FN1: variants seen among roughly 807,000 people sequenced by gnomAD.
FN1 encodes the protein fibronectin.
In FN1, 106 loss-of-function variants were observed where a neutral mutation model predicts 297.3. That is an observed-to-expected ratio of 0.36 (90% CI 0.30 to 0.42). The LOEUF is 0.42. Ranked by LOEUF, FN1 falls within the 10% of genes least tolerant of loss-of-function variation. The pLI is 1.00. For missense variants in FN1, 2,690 were observed against 3,124.9 expected (o/e 0.86, Z 3.32); for synonymous variants, 1,149 against 1,152.6 (o/e 1.00, Z 0.06).
At chr2:215,365,772 T>TATA in intron 42 of FN1, 142 bp from the exon 43 acceptor site, 1 of 504,238 alleles carries the variant, frequency 2.0e-6, no homozygotes, top group East Asian at 3.5e-5. Context: ...ACCCCTATAA[T>TATA]GGGCCATTTA....
intron 44 of FN1, chr2:215,362,501 G>A (rs1457394459): frequency 8.4e-6 from 2 of 237,890 alleles, no homozygotes; most frequent in South Asian, 5.2e-5. Flanking sequence ...GAGACCCAGA[G>A]GAGAGGAGTG....
At chr2:215,373,207 A>T (rs539780599) in intron 39 of FN1, 115 bp downstream of exon 39, 12 of 822,156 alleles carry the variant, frequency 1.5e-5, no homozygotes, top group African/African-American at 5.0e-5. Flanking sequence ...CTGTTAGATA[A>T]AAAAAATCAC....
chr2:215,423,299 T>C (rs374925261), intron 9 of FN1, 51 bp downstream of exon 9: 42 of 1,590,376 alleles, frequency 2.6e-5, no homozygotes, highest in Non-Finnish European at 3.5e-5. Flanking sequence ...CTTTAGTCTC[T>C]ACTCCCTAAA....
intron 12 of FN1, among the ~76,000 whole-genome samples, 197 bp downstream of exon 12, chr2:215,419,045 T>C (rs906908273): frequency 1.3e-5 from 2 of 152,244 alleles, no homozygotes; most frequent in Non-Finnish European, 2.9e-5. Flanking sequence ...TTTCATAGCC[T>C]TCTCTACCTT....
chr2:215,430,734 G>C lies in FN1; in HGVS notation c.666C>G (p.Arg222=). ...ACATACTTCTAGAAGTGCAAGTGAT[G>C]CGTCCGCTGCCTTCTCCCAGGCAAG... ...DCTCLGEGSG[R]ITCTSRNRCN... Residue 222 remains arginine (R), a synonymous_variant, in exon 5 of 46, where the codon CGC becomes CGG. Transcript: ENST00000354785. 6.2e-7 allele frequency: 1 copy of C among 1,614,054 alleles called. No homozygotes were observed. The highest frequency in any genetic ancestry group is 1.1e-5 in the South Asian group (1 of 91,078).
intron 25 of FN1, 111 bp downstream of exon 25, chr2:215,392,820 T>A (rs1186078848): frequency 3.2e-6 from 4 of 1,233,338 alleles, no homozygotes; most frequent in African/African-American, 1.5e-5. Context: ...CCTATCTGAA[T>A]CTTTGGCCAA....
At chr2:215,421,898 C>T (rs562937418) in intron 10 of FN1, among the ~76,000 whole-genome samples, 193 bp downstream of exon 10, 13 of 152,268 alleles carry the variant, frequency 8.5e-5, no homozygotes, top group Admixed American at 5.9e-4. Context: ...ATTAGCATTG[C>T]TATGCCGCTT....
rs532173188 is a variant in FN1 at position 215,370,799 on chromosome 2, G to A, written c.6715-367C>T. ...GCTTCACATAAAACCTGGACACTGC[G>A]CTATATGGGAGACACGGTCATGCTC... On this transcript the variant is annotated intron_variant, in intron 40 of 45. Transcript: ENST00000354785. 5.3e-5 allele frequency among the ~76,000 whole-genome samples: 8 copies of A among 152,270 alleles called. No individual in the cohort carries two copies. The South Asian group carries it at 8.3e-4, about 16-fold the overall frequency.
At position 215,365,580 on chromosome 2, in the gene FN1, G is replaced by A. The variant is rs759085028; in HGVS notation, c.7069C>T (p.Arg2357Cys). Residue 2357 changes from arginine (R) to cysteine (C), a missense_variant, in exon 43 of 46, where the codon CGT becomes TGT. Coordinates refer to ENST00000354785, the MANE Select transcript of FN1 (RefSeq NM_212482.4). ...VNYKIGEKWDRQGENGQMMSC... is the reference protein window; with the variant it reads ...VNYKIGEKWDCQGENGQMMSC... ...ATCATCTGGCCATTTTCTCCCTGAC[G>A]GTCCCACTTCTCTCCAATCTTGTAG... 7.4e-6 allele frequency: 12 copies of A among 1,613,700 alleles called. No individual in the cohort carries two copies. Among genetic ancestry groups the A allele is most frequent in the Non-Finnish European group, 8.5e-6 (10 of 1,179,848 alleles).
intron 41 of FN1, among the ~76,000 whole-genome samples, chr2:215,369,413 T>C (rs2055364603): frequency 6.6e-6 from 1 of 152,138 alleles, no homozygotes; most frequent in Non-Finnish European, 1.5e-5. Context: ...TTCACAGGAA[T>C]TTATACATGT....
chr2:215,414,666 C>T, intron 13 of FN1, 171 bp downstream of exon 13: 8 of 1,400,030 alleles, frequency 5.7e-6, no homozygotes, highest in Non-Finnish European at 7.4e-6. Flanking sequence ...TCCCCTCAGT[C>T]TACAAGTCAA....
intron 13 of FN1, 69 bp downstream of exon 13, chr2:215,414,768 A>T (rs1281146501): frequency 6.2e-7 from 1 of 1,601,888 alleles, no homozygotes. Context: ...AAGCTGGGAA[A>T]AAAAGAAACC....
intron 44 of FN1, chr2:215,363,427 T>C (rs952646018): frequency 2.0e-5 from 3 of 151,946 alleles, no homozygotes; most frequent in Non-Finnish European, 4.4e-5. Flanking sequence ...CAATCTAAAT[T>C]CCAATCTCCA....
At chr2:215,375,112 G>T in intron 38 of FN1, 102 bp downstream of exon 38, 1 of 1,181,202 alleles carries the variant, frequency 8.5e-7, no homozygotes, top group Non-Finnish European at 1.3e-6. Context: ...ACAGAGTTTC[G>T]CATTCTCATG....
At chr2:215,390,147 A>G (rs1423741571) in intron 26 of FN1, among the ~76,000 whole-genome samples, 2 of 152,116 alleles carry the variant, frequency 1.3e-5, no homozygotes, top group Non-Finnish European at 2.9e-5. Flanking sequence ...GTGGCAATTT[A>G]CTTAACTGCT....
intron 34 of FN1, 127 bp downstream of exon 34, chr2:215,379,002 CA>C: frequency 1.1e-6 from 1 of 919,406 alleles, no homozygotes; most frequent in Admixed American, 2.0e-5. Flanking sequence ...TATAAAATTA[CA>C]ATAAGATTAT....
At chr2:215,390,883 CT>C (rs1197057965) in intron 26 of FN1, among the ~76,000 whole-genome samples, 3 of 152,138 alleles carry the variant, frequency 2.0e-5, no homozygotes, top group Admixed American at 1.3e-4. Flanking sequence ...CTATTTTTCC[CT>C]TATGTAGAAT....
intron 12 of FN1, among the ~76,000 whole-genome samples, chr2:215,418,485 G>A (rs1164322160): frequency 1.3e-5 from 2 of 152,174 alleles, no homozygotes; most frequent in African/African-American, 4.8e-5. Context: ...TCAGTCAAAC[G>A]TTAGTGAAGA....
At chr2:215,367,827 C>G in intron 42 of FN1, 36 bp downstream of exon 42, 1 of 1,611,124 alleles carries the variant, frequency 6.2e-7, no homozygotes. Flanking sequence ...CTTGAGGAGA[C>G]AAACACGGAA....
Sources: gnomAD v4.1 joint callset for allele counts (sites outside exome capture counted in the v4.1 genomes callset) on GRCh38, gnomAD v4.1.1 for gene constraint, MANE v1.5 for transcripts, NCBI Gene and HGNC (gene_info 2026-07-23, HGNC 2026-07-21) for gene names.